The following HNF4A variants were observed in gnomAD, a reference collection of about 807,000 sequenced individuals.
HNF4A encodes the protein hepatocyte nuclear factor 4-alpha.
A neutral mutation model predicts 52.4 loss-of-function variants in HNF4A; 15 were observed. The observed-to-expected ratio is 0.29, with a 90% CI of 0.19 to 0.44. The LOEUF (loss-of-function observed/expected upper bound fraction) is 0.44, where lower values mean the gene tolerates loss of function less well. Ranked by LOEUF, HNF4A falls within the 20% of genes least tolerant of loss-of-function variation. The pLI is 1.00. For synonymous variants in HNF4A, 280 were observed against 264.4 expected, an observed-to-expected ratio of 1.06 and a Z score of -0.57; for missense variants, 479 against 647.2, an observed-to-expected ratio of 0.74 and a Z score of 2.82.
chr20:44,413,942 G>A lies in HNF4A; in HGVS notation c.492+142G>A, dbSNP rs1600723325. 24 of 692,360 alleles carry A rather than the reference G, an allele frequency of 3.5e-5. 1 individual carries two copies. The highest frequency in any genetic ancestry group is 2.0e-4 in the South Asian group (13 of 64,878). 42.9% of individuals were successfully genotyped at this position (692,360 alleles called of 1,614,324 possible). On this transcript the variant is annotated intron_variant, in intron 4 of 9. Transcript: ENST00000316099. ...ATATTACAGAAGGGACACTGAGTCC[G>A]GTTTCACATGGCCCAGTTTGCAGCA... is the stretch of plus-strand genomic sequence containing the variant.
At position 44,401,279 on chromosome 20, in the gene HNF4A, G is replaced by T; in HGVS notation, c.-94G>T. 6.6e-7 allele frequency: 1 copy of T among 1,523,244 alleles called. No individual in the cohort carries two copies. The highest frequency in any genetic ancestry group is 2.3e-5 in the East Asian group (1 of 43,590). 94.4% of individuals were successfully genotyped at this position (1,523,244 alleles called of 1,614,324 possible). ...ACGGTTTGAAAGGAAGGCAGAGAGG[G>T]CACTGGGAGGAGGCAGTGGGAGGGC... On this transcript the variant is annotated 5_prime_UTR_variant, in exon 1 of 10. Coordinates refer to ENST00000316099, the MANE Select transcript of HNF4A (RefSeq NM_000457.6).
chr20:44,365,749 G>A (rs6130598), intron 1 of HNF4A, among the ~76,000 whole-genome samples: 26,458 of 152,172 alleles, frequency 0.17, 2,554 homozygotes, highest in Middle Eastern at 0.26. Context: ...GCTCATGCCT[G>A]TAATCCCAGC....
intron 9 of HNF4A, 27 bp downstream of exon 9, chr20:44,428,514 G>T: frequency 1.2e-6 from 2 of 1,609,788 alleles, no homozygotes; most frequent in Non-Finnish European, 1.7e-6. Context: ...ATTTTACCTT[G>T]CAAAGGGTGA....
At chr20:44,399,044 G>A (rs879804342), upstream of HNF4A, among the ~76,000 whole-genome samples, 7 of 152,222 alleles carry the variant, frequency 4.6e-5, no homozygotes, top group Non-Finnish European at 7.3e-5. Flanking sequence ...GGCTCCTCCC[G>A]GAGCTGCCCT....
upstream of HNF4A, among the ~76,000 whole-genome samples, chr20:44,400,163 C>G (rs1006448274): frequency 5.3e-5 from 8 of 152,110 alleles, no homozygotes; most frequent in African/African-American, 1.9e-4. Context: ...ATCCCTTGTT[C>G]AAAAGTCATG....
intron 1 of HNF4A, among the ~76,000 whole-genome samples, chr20:44,363,199 G>T (rs1282147392): frequency 1.3e-5 from 2 of 152,082 alleles, no homozygotes; most frequent in African/African-American, 4.8e-5. Context: ...GTCAAATGGG[G>T]TTGATGATAA....
rs149194420 is a variant in HNF4A at position 44,389,009 on chromosome 20, C to T, written c.50-17049C>T. On this transcript the variant is annotated intron_variant, in intron 1 of 9. Coordinates refer to the HNF4A transcript ENST00000316673. ...CAAGTTGCAAAACTGTGGAGTCTAT[C>T]AAGTGAGACTTAGCAGCCCCACTCC... 9.8e-5 allele frequency among the ~76,000 whole-genome samples: 15 copies of T among 152,338 alleles called. No homozygotes were observed. In the East Asian group the frequency reaches 2.7e-3, roughly 27 times the overall value.
rs1600701306 is a variant in HNF4A at position 44,403,858 on chromosome 20, G to A, written c.116-2200G>A. Among the ~76,000 whole-genome samples the A allele has an allele frequency of 3.9e-5, 6 of 152,304 alleles. 1 individual carries two copies. In the South Asian group the frequency reaches 1.2e-3, roughly 32 times the overall value. On this transcript the variant is annotated intron_variant, in intron 1 of 9. Transcript: ENST00000316099. Reference sequence around the variant, plus strand: ...CAGAGGGGAGATGATAGAGCTGACAGCCCCCAGCCCATCCTGCCTCAGAGG... The same window carrying A: ...CAGAGGGGAGATGATAGAGCTGACAACCCCCAGCCCATCCTGCCTCAGAGG...
At chr20:44,411,165 G>A (rs1289102172) in intron 3 of HNF4A, among the ~76,000 whole-genome samples, 2 of 152,156 alleles carry the variant, frequency 1.3e-5, no homozygotes, top group Non-Finnish European at 2.9e-5. Context: ...AGTTGCAGGA[G>A]GTGAGCGTAG....
At chr20:44,421,560 C>T (rs1297563423) in intron 7 of HNF4A, among the ~76,000 whole-genome samples, 2 of 151,900 alleles carry the variant, frequency 1.3e-5, no homozygotes, top group African/African-American at 2.4e-5. Flanking sequence ...TCAAGACCAG[C>T]CTGGCCAACA....
At chr20:44,425,927 T>A (rs1050284621) in intron 8 of HNF4A, among the ~76,000 whole-genome samples, 2 of 152,234 alleles carry the variant, frequency 1.3e-5, no homozygotes, top group Non-Finnish European at 2.9e-5. Context: ...CTCAAAGTGC[T>A]GGGATTACAG....
rs138290205 is a variant in HNF4A, at chr20:44,413,695, C to T, written c.387C>T (p.Ala129=). 2.3e-5 allele frequency: 37 copies of T among 1,612,818 alleles called. No individual in the cohort carries two copies. The highest frequency in any genetic ancestry group is 2.5e-5 in the Non-Finnish European group (30 of 1,179,254). Reference sequence around the variant, plus strand: ...TCACCTCTCTGTGCCTCCTCACAGCCGTCCAGAATGAGCGGGACCGGATCA... The same window carrying T: ...TCACCTCTCTGTGCCTCCTCACAGCTGTCCAGAATGAGCGGGACCGGATCA... The change falls in exon 4 of 10, where the codon GCC becomes GCT. Residue 129 remains alanine, a splice_region_variant and synonymous_variant. Transcript: ENST00000316099.
rs530407653 is a variant in HNF4A, at chr20:44,406,856, A to G, written c.291-525A>G. On this transcript the variant is annotated intron_variant, in intron 2 of 9. Transcript: ENST00000316099. ...GTTATTCCCATTTTATAGAGGAGGA[A>G]GCTGTGGCTTGGAGGGCTAGGCATT... 2.0e-5 allele frequency among the ~76,000 whole-genome samples: 3 copies of G among 152,328 alleles called. No homozygotes were observed. The East Asian group carries it at 5.8e-4, about 29-fold the overall frequency.
intron 1 of HNF4A, among the ~76,000 whole-genome samples, chr20:44,405,273 T>TTTTTAAATG (rs2063484850): frequency 6.6e-6 from 1 of 151,954 alleles, no homozygotes; most frequent in South Asian, 2.1e-4. Context: ...GGAAACAAAT[T>TTTTTAAATG]TTTTAAATTT....
chr20:44,357,733 A>C (rs2062873701), intron 1 of HNF4A, among the ~76,000 whole-genome samples: 1 of 152,082 alleles, frequency 6.6e-6, no homozygotes, highest in African/African-American at 2.4e-5. Context: ...TGGGTTAGTG[A>C]ATGTTCTACT....
rs530815942 is a variant in HNF4A at position 44,368,740 on chromosome 20, T to G, written c.49+12887T>G. 2.4e-4 allele frequency among the ~76,000 whole-genome samples: 36 copies of G among 152,314 alleles called. No individual in the cohort carries two copies. The South Asian group carries it at 6.0e-3, about 25-fold the overall frequency. ...AGTGAAGATTAATTGAAACAGTGCA[T>G]GGAAAGACCTTGGTTCACATACAGA... On this transcript the variant is annotated intron_variant, in intron 1 of 9. Transcript: ENST00000316673.
intron 3 of HNF4A, among the ~76,000 whole-genome samples, chr20:44,411,108 A>G (rs2063574839): frequency 6.6e-6 from 1 of 152,120 alleles, no homozygotes; most frequent in African/African-American, 2.4e-5. Flanking sequence ...CCCAGGACAA[A>G]TATTCGGCTC....
chr20:44,434,402 C>T (rs1008038962), downstream of HNF4A: 1 of 152,070 alleles, frequency 6.6e-6, no homozygotes, highest in Non-Finnish European at 1.5e-5. Context: ...CTACCTGATC[C>T]CTAGGGCCGC....
chr20:44,414,040 C>G (rs1406093017), intron 4 of HNF4A, among the ~76,000 whole-genome samples: 2 of 152,240 alleles, frequency 1.3e-5, no homozygotes, highest in Non-Finnish European at 1.5e-5. Flanking sequence ...ACAGGCCAAG[C>G]AGAGTCTTCA....
Sources: allele counts gnomAD v4.1 joint callset (sites outside exome capture counted in the v4.1 genomes callset), GRCh38; gene constraint gnomAD v4.1.1; transcripts MANE v1.5; gene names NCBI Gene and HGNC (gene_info 2026-07-23, HGNC 2026-07-21).